The following PCYT2 variants were observed in gnomAD, a reference collection of about 807,000 sequenced individuals.
PCYT2 encodes the protein phosphate cytidylyltransferase 2, ethanolamine.
PCYT2 carries 33 observed loss-of-function variants against 50.0 expected under a neutral mutation model. The observed-to-expected ratio is 0.66, with a 90% CI of 0.50 to 0.88. PCYT2 has a LOEUF of 0.88. Among genes scored for constraint, PCYT2 ranks in the 40% least tolerant of loss-of-function variants. The pLI, the probability that PCYT2 is intolerant of heterozygous loss-of-function variation, is 0.00. For synonymous variants in PCYT2, 240 were observed against 203.7 expected (o/e 1.18, Z -1.52); for missense variants, 430 against 519.7 (o/e 0.83, Z 1.68).
chr17:81,906,682 C>G (rs931514471), intron 7 of PCYT2, 78 bp downstream of exon 7: 1 of 1,594,406 alleles, frequency 6.3e-7, no homozygotes, highest in Admixed American at 1.7e-5. Flanking sequence ...AGTCTGGGGG[C>G]CCCAAGGAGT....
intron 2 of PCYT2, 172 bp downstream of exon 2, chr17:81,909,342 T>C: frequency 4.9e-6 from 7 of 1,432,652 alleles, no homozygotes; most frequent in Non-Finnish European, 5.5e-6. Flanking sequence ...AAATGCAAGA[T>C]GGGAAAGGCA....
Position 81,904,830 on chromosome 17 carries a change from A to G in PCYT2, c.*3T>C, listed in dbSNP as rs895657024. On this transcript the variant is annotated 3_prime_UTR_variant, in exon 13 of 13. Coordinates refer to ENST00000538936, the MANE Select transcript of PCYT2 (RefSeq NM_002861.5). ...GGGAGGGCCGGCCAGGGCCTCTGCC[A>G]GGTTAGAAGTCACCATCGCGCTCCC... The G allele has an allele frequency of 3.1e-6, 5 of 1,594,550 alleles. No individual in the cohort carries two copies. In the African/African-American group the frequency reaches 5.4e-5, roughly 17 times the overall value.
chr17:81,902,875 C>G lies in PCYT2; in HGVS notation c.*1958G>C. On this transcript the variant is annotated 3_prime_UTR_variant, in exon 13 of 13. Coordinates refer to ENST00000538936, the MANE Select transcript of PCYT2 (RefSeq NM_002861.5). ...ACTCCGCTCACCCCGCAGTTAATGG[C>G]AAACGAATAAATAAATGAGGCGGCC... is the stretch of plus-strand genomic sequence containing the variant. 1 of 803,638 alleles carries G rather than the reference C, an allele frequency of 1.2e-6. No individual in the cohort carries two copies. Among genetic ancestry groups the G allele is most frequent in the Non-Finnish European group, 1.8e-6 (1 of 541,572 alleles). The allele number at this position is 803,638 out of a possible 1,614,324, so 49.8% of individuals were successfully genotyped here.
chr17:81,910,132 G>C (rs2040500870), intron 1 of PCYT2, among the ~76,000 whole-genome samples: 1 of 152,236 alleles, frequency 6.6e-6, no homozygotes, highest in Admixed American at 6.5e-5. Context: ...CTCAAGCTCA[G>C]CAGGCTTAAC....
chr17:81,910,370 A>G (rs1247760655), intron 1 of PCYT2, among the ~76,000 whole-genome samples: 1 of 152,216 alleles, frequency 6.6e-6, no homozygotes, highest in Non-Finnish European at 1.5e-5. Context: ...GGCAGCCCAC[A>G]CAGTGCACAG....
At chr17:81,905,576 C>T (rs2040216601) in intron 10 of PCYT2, 94 bp downstream of exon 10, 2 of 1,456,592 alleles carry the variant, frequency 1.4e-6, no homozygotes, top group Admixed American at 1.8e-5. Flanking sequence ...ACCTCCTGGG[C>T]CCCGCCTAGG....
chr17:81,907,339 G>A (rs2040329038), intron 6 of PCYT2: 1 of 1,355,022 alleles, frequency 7.4e-7, no homozygotes, highest in Non-Finnish European at 1.0e-6. Flanking sequence ...AGCAGTGGCT[G>A]CCGTGACCGG....
intron 1 of PCYT2, among the ~76,000 whole-genome samples, chr17:81,910,080 G>A (rs995332726): frequency 5.3e-5 from 8 of 152,204 alleles, no homozygotes; most frequent in Non-Finnish European, 1.0e-4. Flanking sequence ...AAAACCCTGG[G>A]AATCACTGGC....
rs1417537656 is a variant in PCYT2 at position 81,904,846 on chromosome 17, T to G, written c.1157A>C (p.Asp386Ala). The G allele has an allele frequency of 1.2e-6, 2 of 1,609,514 alleles. No individual in the cohort carries two copies. Among genetic ancestry groups the G allele is most frequent in the Middle Eastern group, 1.7e-4 (1 of 6,048 alleles). ...GCCTCTGCCAGGTTAGAAGTCACCA[T>G]CGCGCTCCCCCAGGGGCTGTGCCGC... ...QQAAQPLGER[D>A]GDF Residue 386 changes from aspartate to alanine, a missense_variant, in exon 13 of 13, where the codon GAT becomes GCT. Physicochemically the swap from Asp to Ala is moderately radical, Grantham distance 126 (BLOSUM62 -2). Transcript: ENST00000538936.
At chr17:81,909,327 A>G (rs2040450841) in intron 2 of PCYT2, 187 bp downstream of exon 2, 1 of 1,433,116 alleles carries the variant, frequency 7.0e-7, no homozygotes, top group East Asian at 2.5e-5. Flanking sequence ...TTTAGCTGGG[A>G]CAGGAAATGC....
chr17:81,908,681 A>G lies in PCYT2; in HGVS notation c.341-47T>C, dbSNP rs548460951. On this transcript the variant is annotated intron_variant, in intron 3 of 12. Coordinates refer to ENST00000538936, the MANE Select transcript of PCYT2 (RefSeq NM_002861.5). Reference sequence around the variant, plus strand: ...CAAGGATCCTTAACCCAAAGCCACCAGAACCTTCAGAGCCCAGGACCCTCT... The same window carrying G: ...CAAGGATCCTTAACCCAAAGCCACCGGAACCTTCAGAGCCCAGGACCCTCT... 2.5e-5 allele frequency: 38 copies of G among 1,521,094 alleles called. No individual in the cohort carries two copies. The South Asian group carries it at 4.2e-4, about 17-fold the overall frequency. The allele number at this position is 1,521,094 out of a possible 1,614,324, so 94.2% of individuals were successfully genotyped here.
In PCYT2 at chr17:81,902,479, GC is replaced by G; in HGVS notation, c.*2353del. 7.2e-7 allele frequency: 1 copy of G among 1,395,668 alleles called. No homozygotes were observed. 86.5% of individuals were successfully genotyped at this position (1,395,668 alleles called of 1,614,324 possible). On this transcript the variant is annotated 3_prime_UTR_variant, in exon 13 of 13. Transcript: ENST00000538936. ...CAGAGGGGCGGAACCCCCGGGCGGG[GC>G]CGGCGCCTCCCCGGAGCTGCAACTG...
In PCYT2 at chr17:81,906,192, C is replaced by A. The variant is rs1449542722; in HGVS notation, c.760-15G>T. On this transcript the variant is annotated splice_polypyrimidine_tract_variant and intron_variant, in intron 8 of 12. Transcript: ENST00000538936. ...TGATTGACCTCCTGCGGCCAGAGTGCGGCTAGCTCAGCCCGGAGACTTTTT... is the reference window on the plus strand; with the variant it reads ...TGATTGACCTCCTGCGGCCAGAGTGAGGCTAGCTCAGCCCGGAGACTTTTT... The A allele has an allele frequency of 6.2e-7, 1 of 1,601,654 alleles. No individual in the cohort carries two copies. The highest frequency in any genetic ancestry group is 8.5e-7 in the Non-Finnish European group (1 of 1,173,604).
Position 81,902,779 on chromosome 17 carries a change from C to G in PCYT2, c.*2054G>C. On this transcript the variant is annotated 3_prime_UTR_variant, in exon 13 of 13. Transcript: ENST00000538936. ...GACCTCTCCTGGCACCGCTGGGGGC[C>G]CCCCGCCCCCACCGTCCCACTCGGT... 6.3e-7 allele frequency: 1 copy of G among 1,575,864 alleles called. No individual in the cohort carries two copies.
chr17:81,905,630 G>A lies in PCYT2; in HGVS notation c.903+40C>T, dbSNP rs373818998. On this transcript the variant is annotated intron_variant, in intron 10 of 12. Coordinates refer to ENST00000538936, the MANE Select transcript of PCYT2 (RefSeq NM_002861.5). ...ATTCCCAGCCCATGCAGGAACAGAG[G>A]TGAACAGAGGGAACGAGGTGAGCCC... The A allele has an allele frequency of 2.6e-5, 41 of 1,590,878 alleles. No homozygotes were observed. In the African/African-American group the frequency reaches 4.7e-4, roughly 18 times the overall value.
At position 81,904,016 on chromosome 17, in the gene PCYT2, G is replaced by A. The variant is rs2040098185; in HGVS notation, c.*817C>T. The A allele has an allele frequency of 1.3e-5, 2 of 152,278 alleles. No homozygotes were observed. 9.4% of individuals were successfully genotyped at this position (152,278 alleles called of 1,614,324 possible). A position where few individuals can be genotyped will look rare whatever the true frequency, so the allele number is the denominator to read the frequency against. ...TCCCATGGCCCCTGGAGGGGCCAAG[G>A]GGCAAGGAGCCTCAGCTCTGGCTCT... On this transcript the variant is annotated 3_prime_UTR_variant, in exon 13 of 13. Transcript: ENST00000538936.
At chr17:81,907,042 G>C in intron 6 of PCYT2, 144 bp from the exon 7 acceptor site, 1 of 1,123,706 alleles carries the variant, frequency 8.9e-7, no homozygotes, top group Non-Finnish European at 1.3e-6. Flanking sequence ...GCCAGGCCAG[G>C]TGGCAGGTGG....
chr17:81,908,585 C>T lies in PCYT2; in HGVS notation c.390G>A (p.Lys130=), dbSNP rs1280572993. The T allele has an allele frequency of 1.2e-6, 2 of 1,613,518 alleles. No homozygotes were observed. Among genetic ancestry groups the T allele is most frequent in the African/African-American group, 1.3e-5 (1 of 74,946 alleles). ...AGACTCACCTGTACCTCCCAGCCTG[C>T]TTTACTTCCTCATAGGTGTCCCGGC... is the stretch of plus-strand genomic sequence containing the variant. ...VDGRDTYEEV[K]QAGRYRECKR... is the part of the protein sequence containing the mutation. Residue 130 remains lysine, a synonymous_variant, in exon 4 of 13, where the codon AAG becomes AAA. Coordinates refer to ENST00000538936, the MANE Select transcript of PCYT2 (RefSeq NM_002861.5).
chr17:81,907,158 C>T, intron 6 of PCYT2: 1 of 1,451,778 alleles, frequency 6.9e-7, no homozygotes, highest in Non-Finnish European at 9.2e-7. Flanking sequence ...CAGGTGCACA[C>T]AGCCCTTGGG....
Sources: gnomAD v4.1 joint callset for allele counts (sites outside exome capture counted in the v4.1 genomes callset) on GRCh38, gnomAD v4.1.1 for gene constraint, MANE v1.5 for transcripts, NCBI Gene and HGNC (gene_info 2026-07-23, HGNC 2026-07-21) for gene names.